Variants in XYLT1 observed in about 807,000 individuals in gnomAD.
XYLT1 encodes the protein beta-D-xylosyltransferase 1.
In XYLT1, 36 loss-of-function variants were observed where a neutral mutation model predicts 91.3. The observed-to-expected ratio is 0.39, with a 90% CI of 0.30 to 0.52. The LOEUF (loss-of-function observed/expected upper bound fraction) is 0.52, where lower values mean the gene tolerates loss of function less well. Ranked by LOEUF, XYLT1 falls within the 20% of genes least tolerant of loss-of-function variation. The pLI is 0.68. For synonymous variants in XYLT1, 588 were observed against 532.0 expected (o/e 1.11, Z -1.45); for missense variants, 1,242 against 1,284.5 (o/e 0.97, Z 0.51).
intron 2 of XYLT1, among the ~76,000 whole-genome samples, chr16:17,310,327 C>T (rs542369635): frequency 6.6e-6 from 1 of 152,272 alleles, no homozygotes; most frequent in South Asian, 2.1e-4. Flanking sequence ...AATGTCACTT[C>T]CCCGGGGAAA....
chr16:17,445,435 GA>G (rs2036579970), intron 1 of XYLT1, among the ~76,000 whole-genome samples: 1 of 152,244 alleles, frequency 6.6e-6, no homozygotes, highest in African/African-American at 2.4e-5. Flanking sequence ...GAGTCGGCTG[GA>G]GGCCACTCTT....
At chr16:17,406,998 T>C (rs2141907345) in intron 1 of XYLT1, among the ~76,000 whole-genome samples, 1 of 152,282 alleles carries the variant, frequency 6.6e-6, no homozygotes, top group Non-Finnish European at 1.5e-5. Flanking sequence ...TCTTTATTTT[T>C]ATTTTTTAAT....
intron 1 of XYLT1, among the ~76,000 whole-genome samples, chr16:17,406,258 G>A (rs1033386715): frequency 3.3e-5 from 5 of 152,198 alleles, no homozygotes; most frequent in South Asian, 2.1e-4. Flanking sequence ...CCTACTATAT[G>A]ATGAGTGTTA....
Position 17,162,102 on chromosome 16 carries a change from A to C in XYLT1, c.1290-3193T>G, listed in dbSNP as rs564150472. ...CATTTTATTGCATTTGATAGTCACA[A>C]TGATGCTAAAAAATGTAAATTTTGG... is the stretch of plus-strand genomic sequence containing the variant. On this transcript the variant is annotated intron_variant, in intron 5 of 11. Transcript: ENST00000261381. 2.5e-4 allele frequency among the ~76,000 whole-genome samples: 38 copies of C among 152,282 alleles called. 1 individual carries two copies. The highest frequency in any genetic ancestry group is 9.1e-4 in the African/African-American group (38 of 41,558).
chr16:17,348,715 G>T (rs2035179986), intron 2 of XYLT1, among the ~76,000 whole-genome samples: 1 of 152,090 alleles, frequency 6.6e-6, no homozygotes, highest in Admixed American at 6.6e-5. Flanking sequence ...TCATACACCT[G>T]GACCTCCCTC....
At chr16:17,377,142 A>G (rs530345238) in intron 1 of XYLT1, among the ~76,000 whole-genome samples, 88 of 125,686 alleles carry the variant, frequency 7.0e-4, no homozygotes, top group Non-Finnish European at 1.1e-3. Context: ...GCACCACTGC[A>G]CTCCAGCCTA....
chr16:17,188,412 C>G (rs1036054500), intron 5 of XYLT1, among the ~76,000 whole-genome samples: 2 of 152,200 alleles, frequency 1.3e-5, no homozygotes, highest in Admixed American at 1.3e-4. Context: ...AAACCCTCGC[C>G]TCTTATGTTT....
intron 2 of XYLT1, among the ~76,000 whole-genome samples, chr16:17,259,834 G>A (rs940557175): frequency 3.4e-4 from 51 of 152,050 alleles, no homozygotes; most frequent in African/African-American, 1.2e-3. Context: ...TTGTTCCAGC[G>A]TCCCGTTTAA....
intron 2 of XYLT1, among the ~76,000 whole-genome samples, chr16:17,266,049 C>T (rs1281046971): frequency 1.3e-5 from 2 of 152,138 alleles, no homozygotes; most frequent in Non-Finnish European, 2.9e-5. Context: ...TAAAACAATT[C>T]GATGGACCTT....
chr16:17,459,336 C>T (rs1198909567), intron 1 of XYLT1, among the ~76,000 whole-genome samples: 1 of 152,216 alleles, frequency 6.6e-6, no homozygotes, highest in Non-Finnish European at 1.5e-5. Flanking sequence ...CAAACCACTG[C>T]ATTCTAGCCG....
intron 1 of XYLT1, among the ~76,000 whole-genome samples, chr16:17,378,771 C>G (rs1310692357): frequency 6.6e-6 from 1 of 152,184 alleles, no homozygotes; most frequent in Non-Finnish European, 1.5e-5. Flanking sequence ...TGCTGCAGAA[C>G]CAGTAAGAGG....
At chr16:17,199,976 A>T (rs1243053615) in intron 4 of XYLT1, among the ~76,000 whole-genome samples, 1 of 152,098 alleles carries the variant, frequency 6.6e-6, no homozygotes, top group African/African-American at 2.4e-5. Context: ...TAATCCCAGC[A>T]CTTTGGGAGG....
intron 10 of XYLT1, among the ~76,000 whole-genome samples, chr16:17,125,674 G>A (rs1244981628): frequency 2.0e-5 from 3 of 152,066 alleles, no homozygotes; most frequent in Non-Finnish European, 2.9e-5. Flanking sequence ...CCCCATCAAT[G>A]TCCTGAGTCC....
In XYLT1 at chr16:17,470,637, C is replaced by A. The variant is rs1188916437; in HGVS notation, c.160G>T (p.Gly54Trp). Residue 54 changes from glycine (G) to tryptophan (W), a missense_variant, in exon 1 of 12, where the codon GGG (glycine) becomes TGG (tryptophan). Coordinates refer to ENST00000261381, the MANE Select transcript of XYLT1 (RefSeq NM_022166.4). ...ERRGGAAVGGGEQPPPAPAPR... is the reference protein window; with the variant it reads ...ERRGGAAVGGWEQPPPAPAPR... ...GCCGGGGCCGGGGGCGGCTGCTCCC[C>A]GCCGCCGACCGCTGCGCCCCCGCGG... The A allele has an allele frequency of 9.1e-7, 1 of 1,100,678 alleles. No individual in the cohort carries two copies. The highest frequency in any genetic ancestry group is 4.5e-5 in the Admixed American group (1 of 22,164). 68.2% of individuals were successfully genotyped at this position (1,100,678 alleles called of 1,614,324 possible).
At chr16:17,366,045 G>C (rs1411206806) in intron 1 of XYLT1, among the ~76,000 whole-genome samples, 1 of 149,034 alleles carries the variant, frequency 6.7e-6, no homozygotes, top group African/African-American at 2.5e-5. Context: ...GCCTGTGGAT[G>C]CTTCAAGCTG....
chr16:17,327,117 G>C (rs894579465), intron 2 of XYLT1, among the ~76,000 whole-genome samples: 4 of 152,186 alleles, frequency 2.6e-5, no homozygotes. Flanking sequence ...TCATTCATTT[G>C]TGTAATGTCA....
Position 17,117,920 on chromosome 16 carries a change from C to T in XYLT1, c.2283G>A (p.Gly761=), listed in dbSNP as rs2029901195. 1 of 1,613,932 alleles carries T rather than the reference C, an allele frequency of 6.2e-7. No individual in the cohort carries two copies. The highest frequency in any genetic ancestry group is 1.1e-5 in the South Asian group (1 of 91,080). ...GCATACCCACCGGCTCATCCATGGG[C>T]CCCAGAAGACCCCCAAAGTTGCGGA... ...RLFRNFGGLL[G]PMDEPVGMQK... The change falls in exon 11 of 12, where the codon GGG becomes GGA. Residue 761 remains glycine (G), a synonymous_variant. Coordinates refer to ENST00000261381, the MANE Select transcript of XYLT1 (RefSeq NM_022166.4).
In XYLT1 at chr16:17,343,676, T is replaced by G. The variant is rs7189746; in HGVS notation, c.402+14336A>C. 4.2e-3 allele frequency among the ~76,000 whole-genome samples: 640 copies of G among 152,254 alleles called. 5 individuals are homozygous for G. The highest frequency in any genetic ancestry group is 0.015 in the African/African-American group (604 of 41,544). ...TGTAGAGATGGTCTTGTTATATTGT[T>G]CGGGCTAGTCTCAAACTCCTGGCCT... On this transcript the variant is annotated intron_variant, in intron 2 of 11. Coordinates refer to ENST00000261381, the MANE Select transcript of XYLT1 (RefSeq NM_022166.4).
At chr16:17,315,970 C>A (rs377604636) in intron 2 of XYLT1, among the ~76,000 whole-genome samples, 28 of 152,236 alleles carry the variant, frequency 1.8e-4, no homozygotes, top group Middle Eastern at 3.4e-3. Flanking sequence ...CCCTAGAAGA[C>A]GCCAGGAGAA....
Sources: allele counts gnomAD v4.1 joint callset (sites outside exome capture counted in the v4.1 genomes callset), GRCh38; gene constraint gnomAD v4.1.1; transcripts MANE v1.5; gene names NCBI Gene and HGNC (gene_info 2026-07-23, HGNC 2026-07-21).